GCA: variants seen among roughly 807,000 people sequenced by gnomAD.
GCA encodes the protein grancalcin, EF-hand calcium-binding protein.
In GCA, 30 loss-of-function variants were observed where a neutral mutation model predicts 32.6. That is an observed-to-expected ratio of 0.92 (90% confidence interval 0.69 to 1.25). GCA has a LOEUF of 1.25. Among genes scored for constraint, GCA ranks in the 50% most tolerant of loss-of-function variants. The pLI is 0.00. For missense variants in GCA, 291 were observed against 266.8 expected, an observed-to-expected ratio of 1.09 and a Z score of -0.63; for synonymous variants, 102 against 84.6, an observed-to-expected ratio of 1.21 and a Z score of -1.13.
intron 1 of GCA, among the ~76,000 whole-genome samples, chr2:162,331,636 A>T (rs1576262710): frequency 1.3e-5 from 2 of 152,126 alleles, no homozygotes; most frequent in Non-Finnish European, 2.9e-5. Context: ...GAGGCTGGGG[A>T]CCTCACCAGA....
chr2:162,366,662 C>T (rs577115435), downstream of GCA, among the ~76,000 whole-genome samples: 5 of 151,904 alleles, frequency 3.3e-5, no homozygotes, highest in East Asian at 7.8e-4. Context: ...AACATCACAT[C>T]GTAAGTAGAA....
intron 6 of GCA, 60 bp from the exon 7 acceptor site, chr2:162,359,434 C>A: frequency 1.3e-6 from 1 of 774,160 alleles, no homozygotes; most frequent in Non-Finnish European, 2.1e-6. Context: ...CCTGGGTGCA[C>A]TAAATATTTG....
Position 162,337,264 on chromosome 2 carries a change from G to A in GCA, c.-30-10314G>A, listed in dbSNP as rs564588823. Reference sequence around the variant, plus strand: ...TATTCCCTAGGCTAATCTTAATGCAGGTCATGGTGCATCCGTGTGCTAAAA... The same window carrying A: ...TATTCCCTAGGCTAATCTTAATGCAAGTCATGGTGCATCCGTGTGCTAAAA... On this transcript the variant is annotated intron_variant, in intron 1 of 4. Transcript: ENST00000429691. Among the ~76,000 whole-genome samples the A allele has an allele frequency of 2.0e-5, 3 of 152,312 alleles. No homozygotes were observed. The East Asian group carries it at 5.8e-4, about 29-fold the overall frequency.
At chr2:162,359,689 A>C (rs1463839449) in intron 7 of GCA, 137 bp downstream of exon 7, 3 of 438,406 alleles carry the variant, frequency 6.8e-6, no homozygotes, top group African/African-American at 6.2e-5. Flanking sequence ...TTTTCAGTGT[A>C]ACACAAATAT....
At chr2:162,324,917 G>A (rs952067634) in intron 1 of GCA, among the ~76,000 whole-genome samples, 1 of 152,144 alleles carries the variant, frequency 6.6e-6, no homozygotes, top group Admixed American at 6.5e-5. Context: ...GTTTATCTAA[G>A]GGTTCCTGGC....
At chr2:162,326,079 G>C (rs1683866662) in intron 1 of GCA, among the ~76,000 whole-genome samples, 1 of 152,246 alleles carries the variant, frequency 6.6e-6, no homozygotes, top group Middle Eastern at 3.4e-3. Context: ...TCCTCTGCTG[G>C]GTGTGCCTCT....
intron 1 of GCA, among the ~76,000 whole-genome samples, chr2:162,321,909 TATATATATATATATATATATATATAC>T (rs1417543730): frequency 0.014 from 1,478 of 108,104 alleles, 70 homozygotes; most frequent in East Asian, 0.1. Context: ...TATATATATA[TATATATATATATATATATATATATAC>T]ACACATACAT....
intron 6 of GCA, 37 bp downstream of exon 6, chr2:162,359,194 TA>T: frequency 8.9e-7 from 1 of 1,127,180 alleles, no homozygotes; most frequent in Admixed American, 1.9e-5. Context: ...CAGTGTTATG[TA>T]GCTATTTTTC....
chr2:162,323,692 C>G (rs1293422538), intron 1 of GCA, among the ~76,000 whole-genome samples: 22 of 150,054 alleles, frequency 1.5e-4, no homozygotes, highest in South Asian at 4.2e-4. Context: ...TTGTTTTTCT[C>G]AGGTTTGTCA....
downstream of GCA, chr2:162,372,161 C>G: frequency 8.0e-7 from 1 of 1,255,182 alleles, no homozygotes. Context: ...GAAAATTACA[C>G]TAATAAAAAC....
intron 1 of GCA, among the ~76,000 whole-genome samples, chr2:162,329,153 G>C (rs1259707428): frequency 6.6e-6 from 1 of 152,048 alleles, no homozygotes; most frequent in Non-Finnish European, 1.5e-5. Context: ...GTGTGGTCTT[G>C]GGAAATGCAA....
In GCA at chr2:162,361,160, T is replaced by C. The variant is rs898933319; in HGVS notation, c.*917T>C. On this transcript the variant is annotated 3_prime_UTR_variant, in exon 8 of 8. Coordinates refer to ENST00000437150, the MANE Select transcript of GCA (RefSeq NM_012198.5). ...TTTACATTTGACTTATTTGACAACA[T>C]TAACATTAGTGGTGGCTTTGCCATT... 1.0e-6 allele frequency: 1 copy of C among 984,176 alleles called. No homozygotes were observed. The highest frequency in any genetic ancestry group is 1.1e-4 in the East Asian group (1 of 8,832). 61.0% of individuals were successfully genotyped at this position (984,176 alleles called of 1,614,324 possible).
At chr2:162,344,765 G>T (rs1179760970) in intron 1 of GCA, among the ~76,000 whole-genome samples, 1 of 152,098 alleles carries the variant, frequency 6.6e-6, no homozygotes, top group Non-Finnish European at 1.5e-5. Context: ...TCCCCCGCTC[G>T]CCCCCAGGCG....
intron 1 of GCA, among the ~76,000 whole-genome samples, chr2:162,329,406 G>A (rs939536326): frequency 1.1e-4 from 17 of 152,080 alleles, no homozygotes; most frequent in East Asian, 5.8e-4. Flanking sequence ...GCTAAATCAC[G>A]AAGGGTTAAA....
chr2:162,342,429 G>A (rs1684482579), upstream of GCA, among the ~76,000 whole-genome samples: 4 of 152,212 alleles, frequency 2.6e-5, no homozygotes, highest in South Asian at 8.3e-4. Context: ...GGCACCATGA[G>A]CTTCATACTT....
rs6737753 is a variant in GCA at position 162,323,318 on chromosome 2, G to A, written c.-31+4093G>A. Reference sequence around the variant, plus strand: ...AGATTCTGGATATTAGCCCTTTGTCGGATGAGTAGGTTGCGAAAATTTTCT... The same window carrying A: ...AGATTCTGGATATTAGCCCTTTGTCAGATGAGTAGGTTGCGAAAATTTTCT... On this transcript the variant is annotated intron_variant, in intron 1 of 4. Transcript: ENST00000429691. Among the ~76,000 whole-genome samples the A allele has an allele frequency of 4.7e-3, 706 of 151,756 alleles. 13 individuals are homozygous for A. The highest frequency in any genetic ancestry group is 0.015 in the African/African-American group (622 of 41,144).
At chr2:162,319,599 A>G (rs1683593297) in intron 1 of GCA, among the ~76,000 whole-genome samples, 1 of 136,980 alleles carries the variant, frequency 7.3e-6, no homozygotes. Context: ...TCATGAGAGA[A>G]AAAAAACATA....
At chr2:162,331,122 T>C (rs1398813622) in intron 1 of GCA, among the ~76,000 whole-genome samples, 41 of 152,104 alleles carry the variant, frequency 2.7e-4, no homozygotes, top group Admixed American at 2.7e-3. Flanking sequence ...AACAGTGAAA[T>C]CACTAACAAA....
At chr2:162,366,392 CAT>C (rs1157351140), downstream of GCA, among the ~76,000 whole-genome samples, 1 of 151,842 alleles carries the variant, frequency 6.6e-6, no homozygotes, top group Non-Finnish European at 1.5e-5. Flanking sequence ...GTAGTAATAA[CAT>C]GTTTTAAATA....
Sources: allele counts gnomAD v4.1 joint callset (sites outside exome capture counted in the v4.1 genomes callset), GRCh38; gene constraint gnomAD v4.1.1; transcripts MANE v1.5; gene names NCBI Gene and HGNC (gene_info 2026-07-23, HGNC 2026-07-21).